Variants in CFAP45 observed in about 807,000 individuals in gnomAD.
CFAP45 encodes the protein cilia- and flagella-associated protein 45.
In CFAP45, 43 loss-of-function variants were observed where a neutral mutation model predicts 75.6. The observed-to-expected ratio is 0.57, with a 90% CI of 0.45 to 0.73. CFAP45 has a LOEUF of 0.73. Ranked by LOEUF, CFAP45 falls within the 30% of genes least tolerant of loss-of-function variation. CFAP45 has a pLI of 0.00. For missense variants in CFAP45, 689 were observed against 701.5 expected (o/e 0.98, Z 0.20); for synonymous variants, 223 against 244.6 (o/e 0.91, Z 0.82).
chr1:159,877,243 T>G lies in CFAP45; in HGVS notation c.1158+106A>C. 3 of 844,256 alleles carry G rather than the reference T, an allele frequency of 3.6e-6. No individual in the cohort carries two copies. In the South Asian group the frequency reaches 4.1e-5, roughly 11 times the overall value. 52.3% of individuals were successfully genotyped at this position (844,256 alleles called of 1,614,324 possible). A position where few individuals can be genotyped will look rare whatever the true frequency, so the allele number is the denominator to read the frequency against. ...ACTACTGAAGTCTAGGTAACTTGCA[T>G]CCTTTCCTCCGCATCTCCACCCTCA... On this transcript the variant is annotated intron_variant, in intron 9 of 11. Transcript: ENST00000368099.
chr1:159,899,719 T>G (rs1052247039), intron 1 of CFAP45, among the ~76,000 whole-genome samples: 1 of 151,952 alleles, frequency 6.6e-6, no homozygotes, highest in African/African-American at 2.4e-5. Flanking sequence ...CGCCCGCCTC[T>G]GCCTCCCAAA....
rs769101923 is a variant in CFAP45, at chr1:159,886,542, G to A, written c.736C>T (p.Leu246=). The A allele has an allele frequency of 2.4e-5, 38 of 1,613,980 alleles. No homozygotes were observed. The East Asian group carries it at 8.2e-4, about 35-fold the overall frequency. ...RQKSIQRQEE[L]ERKRREERIR... ...CTTTCCTCCCTCCTCTTCCTCTCCA[G>A]TTCCTCCTGCCTTTGAATGGATTTC... Residue 246 remains leucine, a synonymous_variant, in exon 6 of 12, where the codon CTG becomes TTG. Coordinates refer to ENST00000368099, the MANE Select transcript of CFAP45 (RefSeq NM_012337.3).
At position 159,889,282 on chromosome 1, in the gene CFAP45, G is replaced by C. The variant is rs181041174; in HGVS notation, c.273-786C>G. Among the ~76,000 whole-genome samples, 210 of 152,126 alleles carry C rather than the reference G, an allele frequency of 1.4e-3. 1 individual carries two copies. The highest frequency in any genetic ancestry group is 1.7e-3 in the Non-Finnish European group (118 of 68,004). The stretch of plus-strand genomic sequence containing the variant: ...TAAAGATGGGGGAGGGAGTAGTTAG[G>C]GGGGTGGGAAGAAAGCTGCTTCTGG... On this transcript the variant is annotated intron_variant, in intron 3 of 11. Coordinates refer to ENST00000368099, the MANE Select transcript of CFAP45 (RefSeq NM_012337.3).
In CFAP45 at chr1:159,876,607, G is replaced by A; in HGVS notation, c.1301C>T (p.Ala434Val). 6.2e-7 allele frequency: 1 copy of A among 1,614,188 alleles called. No homozygotes were observed. The highest frequency in any genetic ancestry group is 1.1e-5 in the South Asian group (1 of 91,082). ...GTCCCGTTGCACCTGAACAGCCAGA[G>A]CGTGCTCCTTGAAAGCCACCTGTTC... The part of the protein sequence containing the change: ...RLEQVAFKEH[A>V]LAVQVQRDRD... The change falls in exon 10 of 12, where the codon GCT becomes GTT. Residue 434 changes from alanine (A) to valine (V), a missense_variant. Physicochemically the swap from Ala to Val is moderately conservative, Grantham distance 64. Transcript: ENST00000368099.
At position 159,887,966 on chromosome 1, in the gene CFAP45, C is replaced by T; in HGVS notation, c.463G>A (p.Val155Met). Residue 155 changes from valine to methionine, a missense_variant, in exon 5 of 12, where the codon GTG (valine) becomes ATG (methionine). Val to Met is a conservative substitution (Grantham distance 21, BLOSUM62 1). Transcript: ENST00000368099. ...CTGAGCTTCTTGTTGTTGTTCCACACCATCTCCTTCTGTTTCATGATCTTC... is the reference window on the plus strand; with the variant it reads ...CTGAGCTTCTTGTTGTTGTTCCACATCATCTCCTTCTGTTTCATGATCTTC... ...RKKIMKQKEM[V>M]WNNNKKLSDL... 6.2e-7 allele frequency: 1 copy of T among 1,614,236 alleles called. No individual in the cohort carries two copies. The highest frequency in any genetic ancestry group is 8.5e-7 in the Non-Finnish European group (1 of 1,180,042).
chr1:159,877,165 G>A (rs1232294333), intron 9 of CFAP45, among the ~76,000 whole-genome samples, 184 bp downstream of exon 9: 1 of 152,202 alleles, frequency 6.6e-6, no homozygotes, highest in Non-Finnish European at 1.5e-5. Flanking sequence ...AGGCTGCACT[G>A]CCCAATCCCT....
Position 159,887,842 on chromosome 1 carries a change from T to C in CFAP45, c.587A>G (p.Lys196Arg). The C allele has an allele frequency of 6.2e-7, 1 of 1,607,788 alleles. No homozygotes were observed. The highest frequency in any genetic ancestry group is 1.1e-5 in the South Asian group (1 of 90,818). The change falls in exon 5 of 12, where the codon AAG becomes AGG. Residue 196 changes from lysine to arginine, a missense_variant and splice_region_variant. Lys to Arg is a conservative substitution (Grantham distance 26). Coordinates refer to ENST00000368099, the MANE Select transcript of CFAP45 (RefSeq NM_012337.3). ...GGAAGGGAGAGACGAAGAGCCCACC[T>C]TGCTCATGTCCTTGAGCTCCTCCTC... ...EQEEELKDMS[K>R]IILNAKCHAI...
chr1:159,874,467 C>T (rs1210650395), intron 10 of CFAP45, among the ~76,000 whole-genome samples: 1 of 152,222 alleles, frequency 6.6e-6, no homozygotes, highest in Non-Finnish European at 1.5e-5. Context: ...CCTCAGCCCT[C>T]TGTATTTAGA....
At chr1:159,886,248 G>A (rs937183235) in intron 6 of CFAP45, among the ~76,000 whole-genome samples, 1 of 151,996 alleles carries the variant, frequency 6.6e-6, no homozygotes, top group Non-Finnish European at 1.5e-5. Flanking sequence ...GCTGAAGCAG[G>A]AGAATCGCTT....
intron 1 of CFAP45, among the ~76,000 whole-genome samples, chr1:159,899,733 C>G (rs1235731218): frequency 4.6e-5 from 7 of 152,078 alleles, no homozygotes; most frequent in Admixed American, 2.0e-4. Context: ...TCCCAAAGTG[C>G]TGGGATTACA....
intron 1 of CFAP45, among the ~76,000 whole-genome samples, chr1:159,894,466 A>T (rs1490206394): frequency 6.6e-6 from 1 of 152,228 alleles, no homozygotes; most frequent in Non-Finnish European, 1.5e-5. Context: ...CAGGATATAA[A>T]GGATGGAAAA....
intron 1 of CFAP45, among the ~76,000 whole-genome samples, chr1:159,897,077 A>T (rs1422734811): frequency 6.6e-6 from 1 of 152,102 alleles, no homozygotes; most frequent in Non-Finnish European, 1.5e-5. Context: ...CAGCCTGGGC[A>T]ACATGGCAAA....
At chr1:159,877,281 A>G (rs543969766) in intron 9 of CFAP45, 68 bp downstream of exon 9, 1 of 1,081,702 alleles carries the variant, frequency 9.2e-7, no homozygotes, top group East Asian at 2.4e-5. Flanking sequence ...GCCATTCTAC[A>G]GGCTGTCAAA....
chr1:159,880,072 C>T (rs1250439978), intron 8 of CFAP45, among the ~76,000 whole-genome samples: 1 of 152,218 alleles, frequency 6.6e-6, no homozygotes, highest in African/African-American at 2.4e-5. Context: ...CTCTCCTCCA[C>T]TGTGCATTTG....
intron 1 of CFAP45, among the ~76,000 whole-genome samples, chr1:159,895,841 G>C (rs907768953): frequency 2.6e-5 from 4 of 152,354 alleles, no homozygotes; most frequent in African/African-American, 9.6e-5. Flanking sequence ...GATGGCTTTG[G>C]ATCATGAGTT....
At chr1:159,891,742 C>T (rs77461229) in intron 2 of CFAP45, among the ~76,000 whole-genome samples, 1 of 152,152 alleles carries the variant, frequency 6.6e-6, no homozygotes, top group African/African-American at 2.4e-5. Flanking sequence ...TCTGCTTTCA[C>T]GTGGGCACAA....
chr1:159,886,617 GT>G lies in CFAP45; in HGVS notation c.660del (p.Glu220AspfsTer12). On this transcript the variant is annotated frameshift_variant, in exon 6 of 12. Transcript: ENST00000368099. LOFTEE classifies it high-confidence loss of function. ...TCCAACCGCTTCTCTTCTGTGTCCA[GT>G]TCTTTTTGGATCTGCTGCTTCTCCA... Reference protein sequence around the residue: ...QILEKQQIQKELDTEEKRLDQ... With the variant: ...QILEKQQIQKXLDTEEKRLDQ... 1.2e-6 allele frequency: 2 copies of G among 1,614,082 alleles called. No individual in the cohort carries two copies. The highest frequency in any genetic ancestry group is 1.7e-6 in the Non-Finnish European group (2 of 1,179,978).
rs1174477055 is a variant in CFAP45 at position 159,872,603 on chromosome 1, G to A, written c.1578-40C>T. Reference sequence around the variant, plus strand: ...CAGGCAGGTATAAGGAAAGGTATTGGACCAGACAGGAGGTGGGAGGAAGCA... The same window carrying A: ...CAGGCAGGTATAAGGAAAGGTATTGAACCAGACAGGAGGTGGGAGGAAGCA... On this transcript the variant is annotated intron_variant, in intron 11 of 11. Transcript: ENST00000368099. 8 of 1,558,544 alleles carry A rather than the reference G, an allele frequency of 5.1e-6. No individual in the cohort carries two copies. In the South Asian group the frequency reaches 6.7e-5, roughly 13 times the overall value.
chr1:159,896,648 C>A (rs541938518), intron 1 of CFAP45, among the ~76,000 whole-genome samples: 1 of 152,160 alleles, frequency 6.6e-6, no homozygotes, highest in Admixed American at 6.5e-5. Context: ...TAAGGAGAAG[C>A]ACATCCAGTC....
Sources: gnomAD v4.1 joint callset for allele counts (sites outside exome capture counted in the v4.1 genomes callset) on GRCh38, gnomAD v4.1.1 for gene constraint, MANE v1.5 for transcripts, NCBI Gene and HGNC (gene_info 2026-07-23, HGNC 2026-07-21) for gene names.